SLC25A12: variants seen among roughly 807,000 people sequenced by gnomAD.
SLC25A12 encodes the protein solute carrier family 25 member 12, also known as electrogenic aspartate/glutamate antiporter SLC25A12, mitochondrial.
In SLC25A12, 32 loss-of-function variants were observed where a neutral mutation model predicts 83.3. The observed-to-expected ratio is 0.38, with a 90% CI of 0.29 to 0.52. The LOEUF (loss-of-function observed/expected upper bound fraction) is 0.52, where lower values mean the gene tolerates loss of function less well. SLC25A12 is among the 20% of genes least tolerant of loss of function. The pLI is 0.84. For synonymous variants in SLC25A12, 267 were observed against 291.1 expected, an observed-to-expected ratio of 0.92 and a Z score of 0.84; for missense variants, 611 against 835.6, an observed-to-expected ratio of 0.73 and a Z score of 3.31.
At chr2:171,786,716 G>GTT (rs1690496547) in intron 17 of SLC25A12, among the ~76,000 whole-genome samples, 1 of 152,186 alleles carries the variant, frequency 6.6e-6, no homozygotes, top group African/African-American at 2.4e-5. Context: ...CAAGCTTCAA[G>GTT]TGGTAAGCTT....
rs200391757 is a variant in SLC25A12 at position 171,785,387 on chromosome 2, C to T, written c.1924G>A (p.Ala642Thr). Residue 642 changes from alanine to threonine, a missense_variant, in exon 18 of 18, where the codon GCC becomes ACC. Physicochemically the swap from Ala to Thr is moderately conservative, Grantham distance 58 (BLOSUM62 0). Coordinates refer to ENST00000422440, the MANE Select transcript of SLC25A12 (RefSeq NM_003705.5). Reference sequence around the variant, plus strand: ...TCGATGCCTGCAAACGTGGCTGTGGCGAGTCTGTATCCACCGATGTGATCA... The same window carrying T: ...TCGATGCCTGCAAACGTGGCTGTGGTGAGTCTGTATCCACCGATGTGATCA... ...NPDHIGGYRL[A>T]TATFAGIENK... The T allele has an allele frequency of 1.4e-5, 22 of 1,613,994 alleles. No homozygotes were observed. The highest frequency in any genetic ancestry group is 4.5e-5 in the East Asian group (2 of 44,894).
chr2:171,866,413 G>A (rs1685305557), intron 3 of SLC25A12, among the ~76,000 whole-genome samples: 2 of 147,036 alleles, frequency 1.4e-5, no homozygotes, highest in Admixed American at 6.7e-5. Context: ...GGGCGGCCGG[G>A]CAGAGGCGCC....
rs1043170583 is a variant in SLC25A12, at chr2:171,789,865, G to T, written c.1585+1586C>A. 3.9e-5 allele frequency among the ~76,000 whole-genome samples: 6 copies of T among 152,024 alleles called. No individual in the cohort carries two copies. The East Asian group carries it at 9.7e-4, about 25-fold the overall frequency. On this transcript the variant is annotated intron_variant, in intron 15 of 17. Transcript: ENST00000422440. The stretch of plus-strand genomic sequence containing the variant: ...GCAGAGATTGTACCACTGCACTCCA[G>T]CCTGGGTGACAGAGCAAGATTCTGT...
chr2:171,834,255 A>C (rs1289739679), intron 7 of SLC25A12, 199 bp from the exon 8 acceptor site: 2 of 544,772 alleles, frequency 3.7e-6, no homozygotes, highest in Non-Finnish European at 6.6e-6. Flanking sequence ...TAAAATGTTA[A>C]GATGATAAAA....
chr2:171,837,007 C>G (rs1444974600), intron 6 of SLC25A12, 114 bp downstream of exon 6: 1 of 991,602 alleles, frequency 1.0e-6, no homozygotes. Flanking sequence ...TTCTACCAAC[C>G]AAGCATGAAA....
At chr2:171,870,894 G>T (rs62182397) in intron 2 of SLC25A12, among the ~76,000 whole-genome samples, 2 of 151,910 alleles carry the variant, frequency 1.3e-5, no homozygotes, top group African/African-American at 4.8e-5. Flanking sequence ...ACTAAACAAA[G>T]CCACCTGTTC....
At chr2:171,864,905 CATTTA>C (rs1685252454) in intron 3 of SLC25A12, among the ~76,000 whole-genome samples, 2 of 152,282 alleles carry the variant, frequency 1.3e-5, no homozygotes, top group African/African-American at 2.4e-5. Flanking sequence ...CCAAAAGCCT[CATTTA>C]ATTTATGTTT....
At chr2:171,862,581 C>G (rs1159121714) in intron 3 of SLC25A12, among the ~76,000 whole-genome samples, 1 of 152,156 alleles carries the variant, frequency 6.6e-6, no homozygotes, top group African/African-American at 2.4e-5. Flanking sequence ...TCCCGGAAAA[C>G]ATGGGGGAAG....
chr2:171,869,609 A>G (rs537546116), intron 2 of SLC25A12, among the ~76,000 whole-genome samples: 1 of 152,310 alleles, frequency 6.6e-6, no homozygotes, highest in Middle Eastern at 3.4e-3. Context: ...TTACATCAAT[A>G]ATTTTTTTAA....
At chr2:171,827,459 T>C (rs1443449850) in intron 8 of SLC25A12, among the ~76,000 whole-genome samples, 1 of 152,058 alleles carries the variant, frequency 6.6e-6, no homozygotes, top group Non-Finnish European at 1.5e-5. Flanking sequence ...CTTCAGCCTC[T>C]GATTGGTTGT....
chr2:171,876,246 A>G (rs2105924015), intron 2 of SLC25A12, among the ~76,000 whole-genome samples: 1 of 152,310 alleles, frequency 6.6e-6, no homozygotes, highest in African/African-American at 2.4e-5. Flanking sequence ...GATAGAGTGT[A>G]TAGCTTAGAG....
In SLC25A12 at chr2:171,813,330, C is replaced by T. The variant is rs766302545; in HGVS notation, c.1171+9G>A. The T allele has an allele frequency of 1.2e-6, 2 of 1,613,804 alleles. No homozygotes were observed. Among genetic ancestry groups the T allele is most frequent in the South Asian group, 1.1e-5 (1 of 91,068 alleles). On this transcript the variant is annotated intron_variant, in intron 11 of 17. Coordinates refer to ENST00000422440, the MANE Select transcript of SLC25A12 (RefSeq NM_003705.5). ...CACTAACTTCAGCAGCTGGGATTTGCTTACTCACCCCTGTAGAGTCCAAAG... is the reference window on the plus strand; with the variant it reads ...CACTAACTTCAGCAGCTGGGATTTGTTTACTCACCCCTGTAGAGTCCAAAG...
intron 2 of SLC25A12, among the ~76,000 whole-genome samples, chr2:171,873,936 C>G (rs778372396): frequency 7.9e-5 from 12 of 151,976 alleles, no homozygotes; most frequent in Non-Finnish European, 1.2e-4. Context: ...TAAAAATGCT[C>G]GAATCCTGGC....
intron 13 of SLC25A12, among the ~76,000 whole-genome samples, chr2:171,807,667 C>T (rs991454299): frequency 6.6e-6 from 1 of 152,160 alleles, no homozygotes; most frequent in Admixed American, 6.5e-5. Context: ...GGCAAAGGTT[C>T]GCTCTCTAGA....
intron 2 of SLC25A12, among the ~76,000 whole-genome samples, chr2:171,874,220 C>A (rs1454216709): frequency 6.6e-6 from 1 of 151,966 alleles, no homozygotes; most frequent in Non-Finnish European, 1.5e-5. Flanking sequence ...GAGTAAAATT[C>A]TGTCTCAAAA....
chr2:171,834,743 A>G lies in SLC25A12; in HGVS notation c.735T>C (p.Asp245=), dbSNP rs201190552. 11 of 1,613,620 alleles carry G rather than the reference A, an allele frequency of 6.8e-6. No individual in the cohort carries two copies. The highest frequency in any genetic ancestry group is 6.8e-6 in the Non-Finnish European group (8 of 1,179,928). The change falls in exon 7 of 18, where the codon GAT becomes GAC. Residue 245 remains aspartate, a synonymous_variant. Transcript: ENST00000422440. ...AAATCTTACCCTTTGTGACTTCAACATCTTTCCTTGTGCCAGCTAGAGTGC... is the reference window on the plus strand; with the variant it reads ...AAATCTTACCCTTTGTGACTTCAACGTCTTTCCTTGTGCCAGCTAGAGTGC... The part of the protein sequence containing the change: ...IYSTLAGTRK[D]VEVTKEEFAQ...
At chr2:171,786,127 G>C (rs1333362615) in intron 17 of SLC25A12, among the ~76,000 whole-genome samples, 3 of 151,896 alleles carry the variant, frequency 2.0e-5, no homozygotes, top group Non-Finnish European at 4.4e-5. Flanking sequence ...TGTAATCCCA[G>C]AACTTTGGGA....
intron 11 of SLC25A12, among the ~76,000 whole-genome samples, chr2:171,812,310 C>G (rs1217774480): frequency 6.6e-6 from 1 of 151,862 alleles, no homozygotes; most frequent in Non-Finnish European, 1.5e-5. Flanking sequence ...TGTTTTTTTC[C>G]TCCTGTCCAT....
chr2:171,836,751 G>C (rs1573971344), intron 6 of SLC25A12, among the ~76,000 whole-genome samples: 1 of 152,128 alleles, frequency 6.6e-6, no homozygotes, highest in Non-Finnish European at 1.5e-5. Context: ...GAGAGTTACT[G>C]CCCACTGGAA....
Sources: gnomAD v4.1 joint callset for allele counts (sites outside exome capture counted in the v4.1 genomes callset) on GRCh38, gnomAD v4.1.1 for gene constraint, MANE v1.5 for transcripts, NCBI Gene and HGNC (gene_info 2026-07-23, HGNC 2026-07-21) for gene names.